PTPRD: variants seen among roughly 807,000 people sequenced by gnomAD.
PTPRD encodes the protein receptor-type tyrosine-protein phosphatase delta.
PTPRD carries 34 observed loss-of-function variants against 214.5 expected under a neutral mutation model. That is an observed-to-expected ratio of 0.16 (90% CI 0.12 to 0.21). The LOEUF (loss-of-function observed/expected upper bound fraction) is 0.21. PTPRD is among the 10% of genes least tolerant of loss of function. The pLI, the probability that PTPRD is intolerant of heterozygous loss-of-function variation, is 1.00. For missense variants in PTPRD, 2,545 were observed against 2,398.7 expected (o/e 1.06, Z -1.27); for synonymous variants, 1,128 against 845.7 (o/e 1.33, Z -5.79).
At chr9:8,568,276 A>T (rs1229055678) in intron 14 of PTPRD, among the ~76,000 whole-genome samples, 1 of 152,152 alleles carries the variant, frequency 6.6e-6, no homozygotes, top group Non-Finnish European at 1.5e-5. Flanking sequence ...TCTCAAAGAC[A>T]TTAAACCAGG....
chr9:10,048,621 G>C (rs1348333928), intron 3 of PTPRD, among the ~76,000 whole-genome samples: 1 of 151,718 alleles, frequency 6.6e-6, no homozygotes, highest in East Asian at 1.9e-4. Context: ...AGAAACTGCT[G>C]GGGGAAAAAA....
At chr9:9,238,646 C>A (rs1041386805) in intron 9 of PTPRD, among the ~76,000 whole-genome samples, 5 of 152,090 alleles carry the variant, frequency 3.3e-5, no homozygotes, top group African/African-American at 1.2e-4. Flanking sequence ...TTAGAATAAG[C>A]TGGGCATAGA....
intron 9 of PTPRD, among the ~76,000 whole-genome samples, chr9:9,348,490 A>G (rs1468901449): frequency 6.6e-6 from 1 of 152,122 alleles, no homozygotes; most frequent in East Asian, 1.9e-4. Flanking sequence ...TGGTGATTGA[A>G]AGAGTGGGCA....
At chr9:9,928,060 G>A (rs368859109) in intron 5 of PTPRD, among the ~76,000 whole-genome samples, 1 of 152,090 alleles carries the variant, frequency 6.6e-6, no homozygotes, top group African/African-American at 2.4e-5. Context: ...TTCATCTTCT[G>A]ATCATTTTCA....
intron 8 of PTPRD, among the ~76,000 whole-genome samples, chr9:9,518,380 T>C (rs2096886365): frequency 1.3e-5 from 2 of 152,108 alleles, no homozygotes; most frequent in African/African-American, 4.8e-5. Flanking sequence ...AGTAGCATTG[T>C]CAAAATTTGT....
At chr9:10,301,652 G>A (rs904275587) in intron 3 of PTPRD, among the ~76,000 whole-genome samples, 2 of 151,572 alleles carry the variant, frequency 1.3e-5, no homozygotes, top group Non-Finnish European at 1.5e-5. Flanking sequence ...AACTGATCAA[G>A]GGGAAAAAAA....
intron 10 of PTPRD, among the ~76,000 whole-genome samples, chr9:9,095,338 T>C (rs2099781975): frequency 6.6e-6 from 1 of 152,148 alleles, no homozygotes; most frequent in South Asian, 2.1e-4. Context: ...CCAATATGAC[T>C]GTCTACATAG....
At chr9:8,895,307 A>G (rs1261984906) in intron 11 of PTPRD, among the ~76,000 whole-genome samples, 1 of 151,496 alleles carries the variant, frequency 6.6e-6, no homozygotes, top group Non-Finnish European at 1.5e-5. Flanking sequence ...AGGGTCTGGC[A>G]TTCTCTATCT....
chr9:9,137,661 T>G (rs10977522), intron 10 of PTPRD, among the ~76,000 whole-genome samples: 8,923 of 152,216 alleles, frequency 0.059, 581 homozygotes, highest in African/African-American at 0.15. Flanking sequence ...TATAACAAAT[T>G]TATTAAGCAA....
In PTPRD at chr9:10,492,938, A is replaced by G. The variant is rs147966469; in HGVS notation, c.-600+119460T>C. Among the ~76,000 whole-genome samples the G allele has an allele frequency of 9.6e-3, 1,460 of 152,224 alleles. 24 individuals carry two copies. Among genetic ancestry groups the G allele is most frequent in the African/African-American group, 0.032 (1,349 of 41,548 alleles). On this transcript the variant is annotated intron_variant, in intron 2 of 45. Coordinates refer to ENST00000381196, the MANE Select transcript of PTPRD (RefSeq NM_002839.4). ...ACAAAATCAATGTGCAAAAATCACAAGCATTCCTACACACAAATAATAGAC... is the reference window on the plus strand; with the variant it reads ...ACAAAATCAATGTGCAAAAATCACAGGCATTCCTACACACAAATAATAGAC...
chr9:10,341,320 A>T (rs2096935279), intron 2 of PTPRD, among the ~76,000 whole-genome samples: 3 of 151,832 alleles, frequency 2.0e-5, no homozygotes, highest in Admixed American at 6.6e-5. Flanking sequence ...TATTACCTAA[A>T]GAAAAATAGC....
intron 7 of PTPRD, among the ~76,000 whole-genome samples, chr9:9,638,112 C>T (rs2095829941): frequency 6.6e-6 from 1 of 152,198 alleles, no homozygotes; most frequent in Non-Finnish European, 1.5e-5. Flanking sequence ...TCTATCCATA[C>T]TAATATCCAT....
intron 14 of PTPRD, among the ~76,000 whole-genome samples, chr9:8,579,280 G>C (rs2092800264): frequency 6.6e-6 from 1 of 152,008 alleles, no homozygotes; most frequent in Admixed American, 6.6e-5. Context: ...CTTTTCTCTT[G>C]GATCTAATGC....
chr9:10,241,482 A>G (rs1396275013), intron 3 of PTPRD, among the ~76,000 whole-genome samples: 2 of 151,998 alleles, frequency 1.3e-5, no homozygotes, highest in African/African-American at 2.4e-5. Context: ...AAACCAAATT[A>G]TAGTATAGCC....
chr9:9,128,809 A>C (rs998096490), intron 10 of PTPRD, among the ~76,000 whole-genome samples: 1 of 152,234 alleles, frequency 6.6e-6, no homozygotes, highest in African/African-American at 2.4e-5. Flanking sequence ...ACAGCAGAGC[A>C]GAGAAGTTAG....
intron 19 of PTPRD, among the ~76,000 whole-genome samples, chr9:8,522,778 C>G (rs1027526303): frequency 1.3e-5 from 2 of 152,030 alleles, no homozygotes; most frequent in African/African-American, 4.8e-5. Flanking sequence ...AATGTCATAC[C>G]ATAAGAATTT....
chr9:10,019,605 G>T (rs552647734), intron 4 of PTPRD, among the ~76,000 whole-genome samples: 13 of 152,212 alleles, frequency 8.5e-5, no homozygotes, highest in African/African-American at 2.2e-4. Flanking sequence ...TCATAAAAAA[G>T]GATGAGTTCA....
At chr9:9,795,210 A>G (rs2098994287) in intron 5 of PTPRD, among the ~76,000 whole-genome samples, 1 of 152,212 alleles carries the variant, frequency 6.6e-6, no homozygotes, top group African/African-American at 2.4e-5. Flanking sequence ...GAAAGGCCAC[A>G]TGTATTTGGA....
intron 5 of PTPRD, among the ~76,000 whole-genome samples, chr9:9,794,197 G>T (rs1038728621): frequency 1.4e-5 from 2 of 147,278 alleles, no homozygotes; most frequent in African/African-American, 5.1e-5. Flanking sequence ...ATATGTGTGT[G>T]TGTGTATATA....
Sources: gnomAD v4.1 joint callset for allele counts (sites outside exome capture counted in the v4.1 genomes callset) on GRCh38, gnomAD v4.1.1 for gene constraint, MANE v1.5 for transcripts, NCBI Gene and HGNC (gene_info 2026-07-23, HGNC 2026-07-21) for gene names.